The following GTPBP4 variants were observed in gnomAD, a reference collection of about 807,000 sequenced individuals.
The protein encoded by GTPBP4 is GTP-binding protein 4.
A neutral mutation model predicts 81.7 loss-of-function variants in GTPBP4; 15 were observed. That is an observed-to-expected ratio of 0.18 (90% CI 0.12 to 0.28). GTPBP4 has a LOEUF of 0.28. Ranked by LOEUF, GTPBP4 falls within the 10% of genes least tolerant of loss-of-function variation. The pLI is 1.00. For missense variants in GTPBP4, 847 were observed against 793.8 expected, an observed-to-expected ratio of 1.07 and a Z score of -0.81; for synonymous variants, 272 against 274.6, an observed-to-expected ratio of 0.99 and a Z score of 0.09.
At chr10:994,173 T>C (rs890318736) in intron 2 of GTPBP4, among the ~76,000 whole-genome samples, 1 of 152,244 alleles carries the variant, frequency 6.6e-6, no homozygotes, top group Admixed American at 6.5e-5. Context: ...AGTAGATGTT[T>C]GTTGAATGAG....
chr10:1,001,752 T>C (rs1275645341), intron 8 of GTPBP4, among the ~76,000 whole-genome samples: 1 of 151,730 alleles, frequency 6.6e-6, no homozygotes, highest in African/African-American at 2.4e-5. Flanking sequence ...TCCACTGTGG[T>C]CTGAAAAGAT....
chr10:998,843 G>A lies in GTPBP4; in HGVS notation c.562-160G>A, dbSNP rs918741640. On this transcript the variant is annotated intron_variant, in intron 5 of 16. Coordinates refer to ENST00000360803, the MANE Select transcript of GTPBP4 (RefSeq NM_012341.3). ...TAGTACCCCAGTCCTTGGCCTGGTG[G>A]TGCAAAGGGAGAGGTACCAGGCTCC... Among the ~76,000 whole-genome samples, 21 of 152,294 alleles carry A rather than the reference G, an allele frequency of 1.4e-4. No individual in the cohort carries two copies. The Middle Eastern group carries it at 0.01, about 74-fold the overall frequency.
At chr10:992,014 C>A (rs1831453294) in intron 1 of GTPBP4, among the ~76,000 whole-genome samples, 1 of 150,940 alleles carries the variant, frequency 6.6e-6, no homozygotes. Context: ...TTTATCTTAG[C>A]CATGTGTTTC....
intron 4 of GTPBP4, chr10:996,980 G>A: frequency 1.9e-6 from 1 of 522,028 alleles, no homozygotes; most frequent in Non-Finnish European, 3.4e-6. Flanking sequence ...GGCTTAGAAG[G>A]GCTGAGGAAT....
intron 2 of GTPBP4, among the ~76,000 whole-genome samples, chr10:992,990 C>T (rs1589022389): frequency 6.6e-6 from 1 of 152,180 alleles, no homozygotes; most frequent in East Asian, 1.9e-4. Flanking sequence ...AACACAGAAG[C>T]TAGCAGCTCA....
chr10:1,009,180 C>A, intron 11 of GTPBP4, 145 bp downstream of exon 11: 1 of 632,814 alleles, frequency 1.6e-6, no homozygotes, highest in East Asian at 2.7e-5. Flanking sequence ...GTGAGTCCCC[C>A]TGCAGAAGCC....
At chr10:1,005,790 A>ATC (rs760984821) in intron 8 of GTPBP4, 28 bp from the exon 9 acceptor site, 1 of 1,241,568 alleles carries the variant, frequency 8.1e-7, no homozygotes. Context: ...TGAATAATAC[A>ATC]TCTCTCGTTT....
intron 13 of GTPBP4, among the ~76,000 whole-genome samples, chr10:1,012,091 G>T (rs931350212): frequency 2.0e-5 from 3 of 152,178 alleles, no homozygotes; most frequent in Non-Finnish European, 4.4e-5. Context: ...ACATTAGAAC[G>T]GACACGTGGG....
intron 13 of GTPBP4, 130 bp downstream of exon 13, chr10:1,010,650 C>A: frequency 1.4e-6 from 1 of 692,940 alleles, no homozygotes; most frequent in Non-Finnish European, 2.6e-6. Flanking sequence ...CCTGACTCTG[C>A]CCCCTGTACC....
Position 1,018,439 on chromosome 10 carries a change from A to T in GTPBP4, c.*1212A>T, listed in dbSNP as rs1222045286. ...ACTCCGTGTGAAAAAAAAAAAAAAA[A>T]TACCAGGTCTGGTTTTTGAAATTCT... On this transcript the variant is annotated 3_prime_UTR_variant, in exon 17 of 17. Transcript: ENST00000360803. 3 of 151,528 alleles carry T rather than the reference A, an allele frequency of 2.0e-5. No homozygotes were observed. Among genetic ancestry groups the T allele is most frequent in the Non-Finnish European group, 4.4e-5 (3 of 67,898 alleles). 9.4% of individuals were successfully genotyped at this position (151,528 alleles called of 1,614,324 possible).
At chr10:1,001,310 G>T (rs1347989851) in intron 8 of GTPBP4, among the ~76,000 whole-genome samples, 1 of 152,226 alleles carries the variant, frequency 6.6e-6, no homozygotes, top group Non-Finnish European at 1.5e-5. Context: ...TTGGAGAAGG[G>T]TGCTCACAGG....
Position 1,010,447 on chromosome 10 carries a change from A to T in GTPBP4, c.1271A>T (p.Glu424Val). 6.3e-7 allele frequency: 1 copy of T among 1,575,076 alleles called. No homozygotes were observed. Among genetic ancestry groups the T allele is most frequent in the Non-Finnish European group, 8.7e-7 (1 of 1,144,454 alleles). Residue 424 changes from glutamate (E) to valine (V), a missense_variant, in exon 13 of 17, where the codon GAA becomes GTA. Transcript: ENST00000360803. ...QKYWDLMNLS[E>V]KHDKIPEIWE... ...TACTGGGATTTAATGAATTTGTCTG[A>T]AAAACATGATAAGATACCAGAAATC... is the stretch of plus-strand genomic sequence containing the variant.
chr10:1,011,007 C>CCGAGACTCTGGTGGAG (rs1564470762), intron 13 of GTPBP4, among the ~76,000 whole-genome samples: 18 of 141,570 alleles, frequency 1.3e-4, no homozygotes, highest in East Asian at 2.1e-4. Flanking sequence ...CCTTCCCCCC[C>CCGAGACTCTGGTGGAG]ACCCTGTGTC....
chr10:1,010,859 TG>T, intron 13 of GTPBP4, among the ~76,000 whole-genome samples: 1 of 137,580 alleles, frequency 7.3e-6, no homozygotes, highest in Non-Finnish European at 1.5e-5. Context: ...GTGGAGATGC[TG>T]GGCCCCTTCA....
At position 1,010,065 on chromosome 10, in the gene GTPBP4, G is replaced by C. The variant is rs141654304; in HGVS notation, c.1244-355G>C. Among the ~76,000 whole-genome samples the C allele has an allele frequency of 4.5e-3, 685 of 151,242 alleles. 3 individuals carry two copies. Among genetic ancestry groups the C allele is most frequent in the African/African-American group, 0.015 (637 of 41,174 alleles). Reference sequence around the variant, plus strand: ...GTTTCCTGTTGTTTTGGGATGGTGGGGTGATTTCTGTAGCTTTCTCCACGT... The same window carrying C: ...GTTTCCTGTTGTTTTGGGATGGTGGCGTGATTTCTGTAGCTTTCTCCACGT... On this transcript the variant is annotated intron_variant, in intron 12 of 16. Coordinates refer to ENST00000360803, the MANE Select transcript of GTPBP4 (RefSeq NM_012341.3).
chr10:996,517 C>T (rs1434590990), intron 4 of GTPBP4: 2 of 262,854 alleles, frequency 7.6e-6, no homozygotes, highest in Non-Finnish European at 1.4e-5. Context: ...AGTATAAAAA[C>T]TAAGGTGGCT....
At chr10:1,002,993 T>C (rs1408511749) in intron 8 of GTPBP4, among the ~76,000 whole-genome samples, 1 of 152,254 alleles carries the variant, frequency 6.6e-6, no homozygotes, top group Non-Finnish European at 1.5e-5. Flanking sequence ...TCTCATTAAA[T>C]AGGTTACTAA....
intron 8 of GTPBP4, 36 bp downstream of exon 8, chr10:1,001,049 A>T: frequency 7.0e-7 from 1 of 1,437,778 alleles, no homozygotes; most frequent in Non-Finnish European, 9.8e-7. Flanking sequence ...TTTCTTACTT[A>T]CCAATTCTGA....
chr10:996,181 C>T lies in GTPBP4; in HGVS notation c.399C>T (p.Ala133=), dbSNP rs1382263734. The T allele has an allele frequency of 6.2e-7, 1 of 1,613,980 alleles. No homozygotes were observed. Among genetic ancestry groups the T allele is most frequent in the East Asian group, 2.2e-5 (1 of 44,888 alleles). ...LYRCKQLKRA[A]LGRMCTVIKR... is the part of the protein sequence containing the mutation. ...GCTGCAAACAGCTGAAGCGTGCGGC[C>T]CTGGGACGGATGTGCACAGTGATCA... is the stretch of plus-strand genomic sequence containing the variant. Residue 133 remains alanine, a synonymous_variant, in exon 4 of 17, where the codon GCC becomes GCT. Transcript: ENST00000360803.
Sources: gnomAD v4.1 joint callset for allele counts (sites outside exome capture counted in the v4.1 genomes callset) on GRCh38, gnomAD v4.1.1 for gene constraint, MANE v1.5 for transcripts, NCBI Gene and HGNC (gene_info 2026-07-23, HGNC 2026-07-21) for gene names.